CADPS: variants seen among roughly 807,000 people sequenced by gnomAD.
CADPS encodes calcium dependent secretion activator.
CADPS carries 57 observed loss-of-function variants against 167.3 expected under a neutral mutation model. That is an observed-to-expected ratio of 0.34 (90% CI 0.28 to 0.42). CADPS has a LOEUF of 0.42. Ranked by LOEUF, CADPS falls within the 20% of genes least tolerant of loss-of-function variation. CADPS has a pLI of 1.00. For synonymous variants in CADPS, 676 were observed against 635.3 expected (o/e 1.06, Z -0.96); for missense variants, 1,414 against 1,738.1 (o/e 0.81, Z 3.32).
chr3:62,492,536 A>T, intron 19 of CADPS, 90 bp from the exon 20 acceptor site: 1 of 1,227,712 alleles, frequency 8.1e-7, no homozygotes, highest in Non-Finnish European at 1.2e-6. Flanking sequence ...CACTGTTCAA[A>T]ATTAATGGTG....
At chr3:62,517,120 T>C (rs2069183774) in intron 14 of CADPS, among the ~76,000 whole-genome samples, 1 of 152,130 alleles carries the variant, frequency 6.6e-6, no homozygotes, top group Admixed American at 6.6e-5. Context: ...CGGTTTCCTA[T>C]TGTTATGGAC....
intron 13 of CADPS, among the ~76,000 whole-genome samples, chr3:62,525,786 T>C (rs1054729932): frequency 2.6e-5 from 4 of 151,884 alleles, no homozygotes; most frequent in African/African-American, 7.3e-5. Context: ...AAAAAATGTG[T>C]TACTCATTTA....
intron 1 of CADPS, among the ~76,000 whole-genome samples, chr3:62,855,511 C>T (rs1317677382): frequency 6.6e-6 from 1 of 152,000 alleles, no homozygotes; most frequent in African/African-American, 2.4e-5. Context: ...AGAAACCAAG[C>T]AAAGTTATTA....
chr3:62,849,825 T>C (rs1577295238), intron 1 of CADPS, among the ~76,000 whole-genome samples: 1 of 116,136 alleles, frequency 8.6e-6, no homozygotes, highest in African/African-American at 3.4e-5. Context: ...TCTTTTTCTA[T>C]TGATTGGAAT....
chr3:62,440,879 C>T (rs1248450945), intron 27 of CADPS: 1 of 152,174 alleles, frequency 6.6e-6, no homozygotes, highest in Non-Finnish European at 1.5e-5. Context: ...GGGCAAGCCT[C>T]CCCTATATCT....
In CADPS at chr3:62,681,041, C is replaced by T. The variant is rs750923052; in HGVS notation, c.889-18647G>A. Among the ~76,000 whole-genome samples the T allele has an allele frequency of 1.3e-4, 20 of 152,132 alleles. 1 individual carries two copies. Among genetic ancestry groups the T allele is most frequent in the South Asian group, 4.1e-4 (2 of 4,822 alleles). ...CTGAATTGACCATTTGGTGATTCCC[C>T]GACCCTGCTCCATGCATTTCCCTTC... is the stretch of plus-strand genomic sequence containing the variant. On this transcript the variant is annotated intron_variant, in intron 3 of 29. Coordinates refer to ENST00000383710, the MANE Select transcript of CADPS (RefSeq NM_003716.4).
At chr3:62,838,502 CTG>C (rs1230262840) in intron 1 of CADPS, among the ~76,000 whole-genome samples, 1 of 152,106 alleles carries the variant, frequency 6.6e-6, no homozygotes, top group Admixed American at 6.6e-5. Context: ...ATCCCTAAAA[CTG>C]TGTGAAACAG....
intron 9 of CADPS, among the ~76,000 whole-genome samples, chr3:62,561,078 CAA>C (rs34584073): frequency 3.6e-5 from 3 of 83,572 alleles, no homozygotes; most frequent in Non-Finnish European, 2.1e-5. Flanking sequence ...AACTCCATCT[CAA>C]AAAAAAAAAA....
At chr3:62,419,614 T>C (rs1364880094) in intron 28 of CADPS, among the ~76,000 whole-genome samples, 2 of 152,096 alleles carry the variant, frequency 1.3e-5, no homozygotes, top group Admixed American at 1.3e-4. Flanking sequence ...GAACTTAAGA[T>C]GTAGGAGAAG....
chr3:62,752,306 A>G (rs2082882105), intron 3 of CADPS, among the ~76,000 whole-genome samples: 1 of 152,188 alleles, frequency 6.6e-6, no homozygotes, highest in African/African-American at 2.4e-5. Flanking sequence ...GACCCATCAC[A>G]AAAAACCTTT....
At chr3:62,612,133 T>C (rs187693752) in intron 6 of CADPS, among the ~76,000 whole-genome samples, 2 of 152,350 alleles carry the variant, frequency 1.3e-5, no homozygotes, top group Admixed American at 1.3e-4. Flanking sequence ...TCATTCATTA[T>C]GTATAGAATA....
chr3:62,491,733 T>G (rs1035480056), intron 20 of CADPS, among the ~76,000 whole-genome samples: 1 of 152,226 alleles, frequency 6.6e-6, no homozygotes, highest in Non-Finnish European at 1.5e-5. Context: ...AAAACGATCA[T>G]GCTACTTTAA....
intron 26 of CADPS, among the ~76,000 whole-genome samples, chr3:62,463,126 C>T (rs894684798): frequency 1.3e-5 from 2 of 152,144 alleles, no homozygotes; most frequent in African/African-American, 4.8e-5. Flanking sequence ...ATGGGAATTT[C>T]AGTTTGAACA....
Position 62,412,054 on chromosome 3 carries a change from C to T in CADPS, c.3778-8869G>A, listed in dbSNP as rs946974360. Among the ~76,000 whole-genome samples the T allele has an allele frequency of 8.5e-5, 13 of 152,094 alleles. No individual in the cohort carries two copies. Among genetic ancestry groups the T allele is most frequent in the Middle Eastern group, 3.4e-3 (1 of 292 alleles). ...AGACACCAAAGCTATAATCAGACAC[C>T]GAAGCTCTAAACAGACACCAAAATC... On this transcript the variant is annotated intron_variant, in intron 28 of 29. Transcript: ENST00000383710. This position sits in a 1 kb window ranked among gnomAD's most constrained non-coding sequence, Gnocchi z 4.1.
chr3:62,647,691 T>C (rs1322379586), intron 5 of CADPS, among the ~76,000 whole-genome samples: 1 of 152,066 alleles, frequency 6.6e-6, no homozygotes, highest in Non-Finnish European at 1.5e-5. Flanking sequence ...ACCATATAAA[T>C]AGAAAGAAAT....
At chr3:62,599,718 A>ATAATATATT (rs2059500172) in intron 6 of CADPS, among the ~76,000 whole-genome samples, 1 of 12,182 alleles carries the variant, frequency 8.2e-5, no homozygotes, top group Non-Finnish European at 2.0e-4. Flanking sequence ...TATAATATAT[A>ATAATATATT]ATATATATAG....
intron 6 of CADPS, among the ~76,000 whole-genome samples, chr3:62,609,515 G>A (rs2061191008): frequency 6.6e-6 from 1 of 152,176 alleles, no homozygotes; most frequent in South Asian, 2.1e-4. Flanking sequence ...GGTTATAAAT[G>A]TGGACTTTGT....
At chr3:62,444,240 A>G (rs2056843143) in intron 27 of CADPS, among the ~76,000 whole-genome samples, 1 of 152,210 alleles carries the variant, frequency 6.6e-6, no homozygotes, top group South Asian at 2.1e-4. Context: ...GTTGAAGACC[A>G]GTGGAGCCCA....
Position 62,601,649 on chromosome 3 carries a change from G to A in CADPS, c.1326-8901C>T, listed in dbSNP as rs577937095. Among the ~76,000 whole-genome samples, 28 of 152,258 alleles carry A rather than the reference G, an allele frequency of 1.8e-4. No homozygotes were observed. The South Asian group carries it at 5.4e-3, about 29-fold the overall frequency. On this transcript the variant is annotated intron_variant, in intron 6 of 29. Coordinates refer to ENST00000383710, the MANE Select transcript of CADPS (RefSeq NM_003716.4). The surrounding 1 kb of genome is among the most constrained non-coding windows in gnomAD (Gnocchi z 4.3). Reference sequence around the variant, plus strand: ...TTGTGTATCATAGCATTTCAGACACGTGGTGCCCAAATGCTGCTTCCTGAT... The same window carrying A: ...TTGTGTATCATAGCATTTCAGACACATGGTGCCCAAATGCTGCTTCCTGAT...
Sources: gnomAD v4.1 joint callset for allele counts (sites outside exome capture counted in the v4.1 genomes callset) on GRCh38, gnomAD v4.1.1 for gene constraint, Gnocchi (gnomAD v3.1) non-coding constraint, MANE v1.5 for transcripts, NCBI Gene and HGNC (gene_info 2026-07-23, HGNC 2026-07-21) for gene names.